The following APMAP variants were observed in gnomAD, a reference collection of about 807,000 sequenced individuals.
APMAP encodes adipocyte plasma membrane-associated protein.
A neutral mutation model predicts 43.6 loss-of-function variants in APMAP; 33 were observed. The ratio of observed to expected loss-of-function variants is 0.76; its 90% CI spans 0.57 to 1.01. APMAP has a LOEUF of 1.01. Among genes scored for constraint, APMAP ranks in the 50% least tolerant of loss-of-function variants. APMAP has a pLI of 0.00. For missense variants in APMAP, 498 were observed against 540.7 expected (o/e 0.92, Z 0.78); for synonymous variants, 224 against 216.7 (o/e 1.03, Z -0.30).
intron 2 of APMAP, among the ~76,000 whole-genome samples, chr20:24,979,216 GA>G (rs1267313970): frequency 6.6e-6 from 1 of 152,150 alleles, no homozygotes; most frequent in Non-Finnish European, 1.5e-5. Context: ...TCACCCCTGT[GA>G]CTCACAGCCC....
At chr20:24,975,447 A>G (rs2088043154) in intron 3 of APMAP, among the ~76,000 whole-genome samples, 1 of 152,232 alleles carries the variant, frequency 6.6e-6, no homozygotes, top group African/African-American at 2.4e-5. Flanking sequence ...AGATTGGCAT[A>G]CTTAGGTATA....
chr20:24,992,374 G>A (rs1472633707), intron 1 of APMAP, among the ~76,000 whole-genome samples: 5 of 152,308 alleles, frequency 3.3e-5, no homozygotes. Flanking sequence ...CTGGGCGCAG[G>A]GTGCACCCGA....
At chr20:24,972,810 G>A (rs2088017392) in intron 4 of APMAP, among the ~76,000 whole-genome samples, 1 of 151,538 alleles carries the variant, frequency 6.6e-6, no homozygotes, top group Non-Finnish European at 1.5e-5. Flanking sequence ...ATCACTCCAG[G>A]TGCTATTGTA....
chr20:24,964,129 T>TGACAGGGCAGCCC (rs2087922613), intron 8 of APMAP, 107 bp from the exon 9 acceptor site: 1 of 1,160,178 alleles, frequency 8.6e-7, no homozygotes, highest in Admixed American at 2.0e-5. Context: ...CTCCTTCCCA[T>TGACAGGGCAGCCC]GACAGGGCAG....
At chr20:24,988,505 A>G (rs987953971) in intron 1 of APMAP, among the ~76,000 whole-genome samples, 1 of 152,184 alleles carries the variant, frequency 6.6e-6, no homozygotes, top group Non-Finnish European at 1.5e-5. Context: ...TTGTGTCCCA[A>G]TGCTGCGGGA....
At chr20:24,983,596 G>A (rs554381347) in intron 2 of APMAP, among the ~76,000 whole-genome samples, 1 of 152,286 alleles carries the variant, frequency 6.6e-6, no homozygotes, top group African/African-American at 2.4e-5. Context: ...CCATTTGTGT[G>A]TGTTTTTGCT....
At chr20:24,984,261 T>C (rs2088129799) in intron 1 of APMAP, among the ~76,000 whole-genome samples, 1 of 152,206 alleles carries the variant, frequency 6.6e-6, no homozygotes, top group Non-Finnish European at 1.5e-5. Flanking sequence ...GTTGGATCAG[T>C]TACTTTCCAG....
intron 1 of APMAP, among the ~76,000 whole-genome samples, chr20:24,988,806 G>A (rs1167200101): frequency 6.6e-6 from 1 of 152,192 alleles, no homozygotes; most frequent in East Asian, 1.9e-4. Context: ...CTGTGGTCAC[G>A]TATTAGAAAT....
intron 5 of APMAP, among the ~76,000 whole-genome samples, chr20:24,970,777 T>C (rs563035795): frequency 3.3e-5 from 5 of 152,282 alleles, no homozygotes; most frequent in African/African-American, 9.6e-5. Flanking sequence ...TGCTAAGCAC[T>C]CTCGAGGTGT....
At chr20:24,967,900 G>A (rs1010908503) in intron 8 of APMAP, among the ~76,000 whole-genome samples, 1 of 152,116 alleles carries the variant, frequency 6.6e-6, no homozygotes, top group African/African-American at 2.4e-5. Flanking sequence ...CCCACACAGC[G>A]ACCCACAGAA....
chr20:24,976,426 G>C (rs2088050675), intron 3 of APMAP, among the ~76,000 whole-genome samples: 2 of 152,130 alleles, frequency 1.3e-5, no homozygotes, highest in Admixed American at 1.3e-4. Flanking sequence ...ACAGATGGCA[G>C]GTAGGCATAT....
intron 8 of APMAP, among the ~76,000 whole-genome samples, chr20:24,965,134 A>G (rs181961105): frequency 3.6e-4 from 55 of 152,310 alleles, no homozygotes; most frequent in Non-Finnish European, 7.1e-4. Flanking sequence ...TGGCCTTTCT[A>G]ATAGCACTTC....
intron 5 of APMAP, 116 bp downstream of exon 5, chr20:24,971,344 G>A: frequency 1.1e-6 from 1 of 942,372 alleles, no homozygotes; most frequent in Non-Finnish European, 1.6e-6. Context: ...CAGTGAATAA[G>A]AAATATCAGA....
At chr20:24,970,493 G>T in intron 5 of APMAP, 122 bp from the exon 6 acceptor site, 4 of 909,320 alleles carry the variant, frequency 4.4e-6, no homozygotes, top group Non-Finnish European at 6.4e-6. Context: ...TCATTTGTCA[G>T]AAGATTTATT....
In APMAP at chr20:24,969,616, A is replaced by T; in HGVS notation, c.758T>A (p.Leu253Ter). 6.2e-7 allele frequency: 1 copy of T among 1,614,100 alleles called. No homozygotes were observed. The highest frequency in any genetic ancestry group is 8.5e-7 in the Non-Finnish European group (1 of 1,179,936). ...DTVTREVKVL[L>*]DQLRFPNGVQ... ...TCCATTCGGGAACCGCAGCTGGTCCAATAAAACTTTTACTTCCCTGGTCAC... is the reference window on the plus strand; with the variant it reads ...TCCATTCGGGAACCGCAGCTGGTCCTATAAAACTTTTACTTCCCTGGTCAC... Residue 253 changes from leucine (L) to a stop codon, truncating the protein, a stop_gained, in exon 7 of 9, where the codon TTG becomes TAG. Transcript: ENST00000217456. LOFTEE classifies it high-confidence loss of function.
intron 1 of APMAP, 58 bp from the exon 2 acceptor site, chr20:24,984,077 G>A: frequency 6.9e-7 from 1 of 1,444,962 alleles, no homozygotes; most frequent in Non-Finnish European, 9.6e-7. Flanking sequence ...TGACAAGGTT[G>A]GCTGGTCCGA....
rs1164236417 is a variant in APMAP at position 24,972,754 on chromosome 20, G to GGGGTGCTCACTGCAGGTGCTTACTGTA, written c.421+864_421+890dup. On this transcript the variant is annotated intron_variant, in intron 4 of 8. Coordinates refer to ENST00000217456, the MANE Select transcript of APMAP (RefSeq NM_020531.3). ...GTGCTTACTGCAGGGTGTTCACTGT[G>GGGGTGCTCACTGCAGGTGCTTACTGTA]GGGTGCTCACTGCAGGTGCTTACTG... 2.0e-5 allele frequency among the ~76,000 whole-genome samples: 3 copies of GGGGTGCTCACTGCAGGTGCTTACTGTA among 152,014 alleles called. No individual in the cohort carries two copies. In the East Asian group the frequency reaches 5.8e-4, roughly 29 times the overall value.
At chr20:24,980,772 C>T (rs940854887) in intron 2 of APMAP, among the ~76,000 whole-genome samples, 1 of 151,902 alleles carries the variant, frequency 6.6e-6, no homozygotes, top group Admixed American at 6.6e-5. Context: ...TTCGCTCGGC[C>T]TCGGTCACTT....
chr20:24,985,841 C>A (rs1045853621), intron 1 of APMAP, among the ~76,000 whole-genome samples: 8 of 152,068 alleles, frequency 5.3e-5, no homozygotes, highest in Admixed American at 1.3e-4. Context: ...GGAAAAAAAA[C>A]CATTGCCTGG....
Sources: gnomAD v4.1 joint callset for allele counts (sites outside exome capture counted in the v4.1 genomes callset) on GRCh38, gnomAD v4.1.1 for gene constraint, MANE v1.5 for transcripts, NCBI Gene and HGNC (gene_info 2026-07-23, HGNC 2026-07-21) for gene names.